MORC1: variants seen among roughly 807,000 people sequenced by gnomAD.
MORC1 encodes the protein MORC family CW-type zinc finger 1.
In MORC1, 59 loss-of-function variants were observed where a neutral mutation model predicts 134.9. The ratio of observed to expected loss-of-function variants is 0.44; its 90% CI spans 0.35 to 0.54. The LOEUF is 0.54. MORC1 is among the 20% of genes least tolerant of loss of function. The pLI, the probability that MORC1 is intolerant of heterozygous loss-of-function variation, is 0.00. For missense variants in MORC1, 947 were observed against 1,134.5 expected (o/e 0.83, Z 2.37); for synonymous variants, 395 against 391.7 (o/e 1.01, Z -0.10).
intron 17 of MORC1, among the ~76,000 whole-genome samples, chr3:109,022,434 AT>A (rs369835889): frequency 1.3e-5 from 2 of 152,252 alleles, no homozygotes; most frequent in African/African-American, 2.4e-5. Context: ...CAATGTGGGA[AT>A]TGCCAGATTA....
chr3:109,090,105 T>C (rs1162750572), intron 8 of MORC1, among the ~76,000 whole-genome samples: 1 of 152,098 alleles, frequency 6.6e-6, no homozygotes, highest in Admixed American at 6.6e-5. Context: ...CTGCTATCTA[T>C]TGGAAAAATT....
chr3:109,013,530 T>C (rs1397452524), intron 17 of MORC1, among the ~76,000 whole-genome samples: 3 of 152,370 alleles, frequency 2.0e-5, no homozygotes, highest in East Asian at 1.9e-4. Flanking sequence ...CTGCTGGCTA[T>C]TGCAGATAAC....
chr3:109,081,466 T>C lies in MORC1; in HGVS notation c.690-11709A>G, dbSNP rs1208230370. The stretch of plus-strand genomic sequence containing the variant: ...ACAAGAATTAAACTTTTTTTTTTTT[T>C]TTTTTTTGAGACAGAGTCTCACTCT... On this transcript the variant is annotated intron_variant, in intron 8 of 27. Transcript: ENST00000232603. 6.0e-5 allele frequency among the ~76,000 whole-genome samples: 9 copies of C among 150,238 alleles called. No individual in the cohort carries two copies. The East Asian group carries it at 9.7e-4, about 16-fold the overall frequency.
At chr3:109,077,836 A>T (rs1950451176) in intron 8 of MORC1, among the ~76,000 whole-genome samples, 1 of 152,126 alleles carries the variant, frequency 6.6e-6, no homozygotes, top group African/African-American at 2.4e-5. Flanking sequence ...AAGCAAAAAA[A>T]AAATCTAGTT....
chr3:109,003,113 C>A (rs1372638995), intron 20 of MORC1, among the ~76,000 whole-genome samples: 1 of 152,004 alleles, frequency 6.6e-6, no homozygotes, highest in East Asian at 1.9e-4. Flanking sequence ...ATAAAAACTG[C>A]CATAGTAGCA....
intron 2 of MORC1, among the ~76,000 whole-genome samples, chr3:109,111,489 G>A (rs1297892411): frequency 6.6e-6 from 1 of 151,672 alleles, no homozygotes; most frequent in Non-Finnish European, 1.5e-5. Flanking sequence ...GATGAAGACT[G>A]TTTTAAAAAA....
rs564959353 is a variant in MORC1, at chr3:109,059,826, C to A, written c.1011G>T (p.Lys337Asn). The stretch of plus-strand genomic sequence containing the variant: ...CTTACCTTTGTTTCTCTTTAAGATT[C>A]TTTTGCTTTGCTTCTACATCTTCCA... ...RALEDVEAKQ[K>N]NLKEKQRELK... The change falls in exon 12 of 28, where the codon AAG becomes AAT. Residue 337 changes from lysine (K) to asparagine (N), a missense_variant. By Grantham distance (94) the Lys-to-Asn change is moderately conservative (BLOSUM62 0). Coordinates refer to ENST00000232603, the MANE Select transcript of MORC1 (RefSeq NM_014429.4). 6.2e-7 allele frequency: 1 copy of A among 1,612,440 alleles called. No homozygotes were observed. The highest frequency in any genetic ancestry group is 1.7e-5 in the Admixed American group (1 of 59,850).
chr3:108,998,871 T>G (rs1382773874), intron 21 of MORC1, among the ~76,000 whole-genome samples: 1 of 152,116 alleles, frequency 6.6e-6, no homozygotes, highest in Non-Finnish European at 1.5e-5. Context: ...TGTAAGAACT[T>G]GAGAACTATT....
intron 24 of MORC1, among the ~76,000 whole-genome samples, chr3:108,978,728 G>A (rs35285308): frequency 2.6e-5 from 4 of 152,062 alleles, no homozygotes; most frequent in African/African-American, 4.8e-5. Flanking sequence ...AATCACTGAC[G>A]AAAAAATCAA....
rs1949268924 is a variant in MORC1, at chr3:109,032,758, A to C, written c.1527T>G (p.Ile509Met). Reference protein sequence around the residue: ...TNYQEKEFFDIWICANNPNRL... With the variant: ...TNYQEKEFFDMWICANNPNRL... ...GGTTGGGATTATTAGCACAAATCCAAATGTCAAAAAATTCTTTTTCCTGAT... is the reference window on the plus strand; with the variant it reads ...GGTTGGGATTATTAGCACAAATCCACATGTCAAAAAATTCTTTTTCCTGAT... Residue 509 changes from isoleucine (I) to methionine (M), a missense_variant, in exon 16 of 28, where the codon ATT (isoleucine) becomes ATG (methionine). Coordinates refer to ENST00000232603, the MANE Select transcript of MORC1 (RefSeq NM_014429.4). The C allele has an allele frequency of 6.2e-7, 1 of 1,608,620 alleles. No homozygotes were observed. The highest frequency in any genetic ancestry group is 1.3e-5 in the African/African-American group (1 of 74,744).
At chr3:109,082,190 C>G (rs969621624) in intron 8 of MORC1, among the ~76,000 whole-genome samples, 23 of 151,066 alleles carry the variant, frequency 1.5e-4, no homozygotes, top group Admixed American at 1.4e-3. Flanking sequence ...GAGCCAAGGC[C>G]AACCTGGGTT....
At chr3:109,025,379 C>CT (rs63701060) in intron 17 of MORC1, among the ~76,000 whole-genome samples, 2,743 of 105,006 alleles carry the variant, frequency 0.026, 145 homozygotes, top group Non-Finnish European at 0.033. Flanking sequence ...TTTCTTTTTT[C>CT]TTTTTTTTTT....
At chr3:108,978,926 T>C (rs1947636955) in intron 24 of MORC1, among the ~76,000 whole-genome samples, 1 of 152,122 alleles carries the variant, frequency 6.6e-6, no homozygotes, top group Admixed American at 6.5e-5. Context: ...ATGGCACCTA[T>C]TTTAGAGCAC....
intron 8 of MORC1, among the ~76,000 whole-genome samples, chr3:109,071,527 G>A (rs905136401): frequency 3.3e-5 from 5 of 152,184 alleles, no homozygotes; most frequent in Admixed American, 2.0e-4. Flanking sequence ...TCATGCCTTC[G>A]ACATCACAGT....
At chr3:109,018,024 G>T (rs1407727636) in intron 17 of MORC1, among the ~76,000 whole-genome samples, 1 of 152,126 alleles carries the variant, frequency 6.6e-6, no homozygotes, top group Admixed American at 6.5e-5. Context: ...CTGGGAAGCA[G>T]CAGAAATGGA....
At chr3:109,021,877 G>A (rs1050471935) in intron 17 of MORC1, among the ~76,000 whole-genome samples, 1 of 152,208 alleles carries the variant, frequency 6.6e-6, no homozygotes, top group Non-Finnish European at 1.5e-5. Flanking sequence ...AGGTGTGGTA[G>A]TAGGAGGTAC....
chr3:108,963,968 G>A (rs964046941), intron 26 of MORC1, among the ~76,000 whole-genome samples: 4 of 152,180 alleles, frequency 2.6e-5, no homozygotes, highest in African/African-American at 7.2e-5. Context: ...GCAGGTGCCT[G>A]TGACTCTCTC....
At chr3:109,094,445 G>A (rs1465728757) in intron 7 of MORC1, among the ~76,000 whole-genome samples, 1 of 152,200 alleles carries the variant, frequency 6.6e-6, no homozygotes, top group African/African-American at 2.4e-5. Context: ...AGTTGGTGGA[G>A]GTGGAAAGAA....
At chr3:108,996,286 G>GTGCGCACACA (rs1553745317) in intron 21 of MORC1, among the ~76,000 whole-genome samples, 1 of 146,382 alleles carries the variant, frequency 6.8e-6, no homozygotes, top group African/African-American at 2.6e-5. Context: ...GCGCGCGCGC[G>GTGCGCACACA]CACACACACA....
Sources: allele counts gnomAD v4.1 joint callset (sites outside exome capture counted in the v4.1 genomes callset), GRCh38; gene constraint gnomAD v4.1.1; transcripts MANE v1.5; gene names NCBI Gene and HGNC (gene_info 2026-07-23, HGNC 2026-07-21).